The following BICDL2 variants were observed in gnomAD, a reference collection of about 807,000 sequenced individuals.
BICDL2 encodes BICD family-like cargo adapter 2.
Under a neutral mutation model 56.6 loss-of-function variants are expected in BICDL2, and 62 were observed. The ratio of observed to expected loss-of-function variants is 1.10; its 90% CI spans 0.89 to 1.35. BICDL2 has a LOEUF of 1.35. BICDL2 is among the 40% of genes most tolerant of loss of function. The pLI is 0.00. For missense variants in BICDL2, 808 were observed against 684.5 expected, an observed-to-expected ratio of 1.18 and a Z score of -2.01; for synonymous variants, 358 against 319.8, an observed-to-expected ratio of 1.12 and a Z score of -1.27.
chr16:3,028,144 C>T lies in BICDL2; in HGVS notation c.1489G>A (p.Ala497Thr), dbSNP rs920658014. Residue 497 changes from alanine (A) to threonine (T), a missense_variant, in exon 10 of 10, where the codon GCC becomes ACC. Physicochemically the swap from Ala to Thr is moderately conservative, Grantham distance 58. Transcript: ENST00000572449. ...AAGAGGTTACTGAGAAAGCCACCGG[C>T]GGGCCCGGGGCCCAGGCGCAGCGAG... is the stretch of plus-strand genomic sequence containing the variant. ...RFSLRLGPGPAGGFLSNLFRR... is the reference protein window; with the variant it reads ...RFSLRLGPGPTGGFLSNLFRR... 10 of 1,441,696 alleles carry T rather than the reference C, an allele frequency of 6.9e-6. No homozygotes were observed. The highest frequency in any genetic ancestry group is 1.5e-5 in the South Asian group (1 of 66,656). 89.3% of individuals were successfully genotyped at this position (1,441,696 alleles called of 1,614,324 possible).
intron 1 of BICDL2, chr16:3,036,233 C>T (rs773469259): frequency 4.0e-4 from 183 of 454,298 alleles, no homozygotes; most frequent in Non-Finnish European, 6.8e-4. Context: ...CCCCCAGTTT[C>T]CCAGGGCCCT....
chr16:3,036,714 GC>G (rs1362984044), intron 1 of BICDL2, 179 bp downstream of exon 1: 1 of 441,666 alleles, frequency 2.3e-6, no homozygotes, highest in Non-Finnish European at 4.5e-6. Flanking sequence ...GGCGTCGGAA[GC>G]CCAGAGAAGC....
Position 3,029,696 on chromosome 16 carries a change from A to G in BICDL2, c.806T>C (p.Leu269Pro), listed in dbSNP as rs1253869085. The change falls in exon 6 of 10, where the codon CTG becomes CCG. Residue 269 changes from leucine (L) to proline (P), a missense_variant. By Grantham distance (98) the Leu-to-Pro change is moderately conservative (BLOSUM62 -3). Transcript: ENST00000572449. ...GGAGACGCGCCGCTGCAGCCTCCGC[A>G]GCGCACTCAGCGCCTCCCCAGCCTC... ...RSEAGEALSA[L>P]RRLQRRVSEL... 3 of 1,540,652 alleles carry G rather than the reference A, an allele frequency of 1.9e-6. No individual in the cohort carries two copies. The highest frequency in any genetic ancestry group is 1.7e-6 in the Non-Finnish European group (2 of 1,150,062).
At position 3,029,534 on chromosome 16, in the gene BICDL2, C is replaced by A. The variant is rs1359986662; in HGVS notation, c.957+11G>T. 1.3e-6 allele frequency: 2 copies of A among 1,554,020 alleles called. No homozygotes were observed. The highest frequency in any genetic ancestry group is 2.4e-5 in the East Asian group (1 of 42,436). ...GGCACAGGTAAGGGGGCTGGGGCCC[C>A]ACGAGCTCACCGGGGTGTCTCCGGG... is the stretch of plus-strand genomic sequence containing the variant. On this transcript the variant is annotated intron_variant, in intron 6 of 9. Transcript: ENST00000572449.
At chr16:3,035,560 G>C in intron 1 of BICDL2, 34 bp from the exon 2 acceptor site, 1 of 1,524,100 alleles carries the variant, frequency 6.6e-7, no homozygotes, top group South Asian at 1.2e-5. Context: ...CCTGACAGGG[G>C]CTCACCCTCC....
chr16:3,029,771 C>T (rs754857535), intron 5 of BICDL2, 32 bp from the exon 6 acceptor site: 4 of 1,451,502 alleles, frequency 2.8e-6, no homozygotes, highest in Non-Finnish European at 3.6e-6. Flanking sequence ...GAAGCGCGGG[C>T]GGTCAGCGGG....
In BICDL2 at chr16:3,031,002, C is replaced by G; in HGVS notation, c.431G>C (p.Arg144Pro). 6.4e-7 allele frequency: 1 copy of G among 1,553,390 alleles called. No individual in the cohort carries two copies. The highest frequency in any genetic ancestry group is 8.7e-7 in the Non-Finnish European group (1 of 1,155,726). ...CTCGCTGAGGGCCCGTGCCCGTTCTCGCCCACTGTCCTGCTGCTCTGAGCG... is the reference window on the plus strand; with the variant it reads ...CTCGCTGAGGGCCCGTGCCCGTTCTGGCCCACTGTCCTGCTGCTCTGAGCG... Reference protein sequence around the residue: ...EQRSEQQDSGRERARALSELS... With the variant: ...EQRSEQQDSGPERARALSELS... Residue 144 changes from arginine (R) to proline (P), a missense_variant, in exon 3 of 10, where the codon CGA becomes CCA. Coordinates refer to ENST00000572449, the MANE Select transcript of BICDL2 (RefSeq NM_001369667.1).
At chr16:3,031,258 G>C in intron 2 of BICDL2, 108 bp from the exon 3 acceptor site, 1 of 954,482 alleles carries the variant, frequency 1.0e-6, no homozygotes, top group East Asian at 2.6e-5. Flanking sequence ...AAGCCTAAGG[G>C]GGCCTTGTGT....
At chr16:3,036,396 G>A (rs1487170002) in intron 1 of BICDL2, 1 of 453,170 alleles carries the variant, frequency 2.2e-6, no homozygotes, top group Non-Finnish European at 4.4e-6. Context: ...TCAGGGGCTC[G>A]GGTCAGAGGG....
chr16:3,029,013 G>T (rs1232826222), intron 7 of BICDL2, among the ~76,000 whole-genome samples, 183 bp from the exon 8 acceptor site: 1 of 152,202 alleles, frequency 6.6e-6, no homozygotes, highest in African/African-American at 2.4e-5. Context: ...GGTGCGGGGT[G>T]GGGTGGAGCA....
rs1410707164 is a variant in BICDL2 at position 3,028,280 on chromosome 16, G to A, written c.1360-7C>T. The A allele has an allele frequency of 2.7e-6, 4 of 1,492,872 alleles. No homozygotes were observed. The highest frequency in any genetic ancestry group is 1.3e-5 in the South Asian group (1 of 75,580). The allele number at this position is 1,492,872 out of a possible 1,614,324, so 92.5% of individuals were successfully genotyped here. A position where few individuals can be genotyped will look rare whatever the true frequency, so the allele number is the denominator to read the frequency against. Reference sequence around the variant, plus strand: ...TCACCACCTGCATGTCGTCCTGCGGGAGGCCGTGGTCGGCTCAGCGCCGGT... The same window carrying A: ...TCACCACCTGCATGTCGTCCTGCGGAAGGCCGTGGTCGGCTCAGCGCCGGT... On this transcript the variant is annotated splice_region_variant and splice_polypyrimidine_tract_variant and intron_variant, in intron 9 of 9. Transcript: ENST00000572449.
intron 7 of BICDL2, 119 bp downstream of exon 7, chr16:3,029,161 G>T: frequency 7.6e-7 from 1 of 1,312,730 alleles, no homozygotes; most frequent in South Asian, 1.3e-5. Context: ...TAAGTTTGTT[G>T]AGATGAAAGC....
chr16:3,031,262 C>T (rs1455224000), intron 2 of BICDL2, 112 bp from the exon 3 acceptor site: 1 of 910,122 alleles, frequency 1.1e-6, no homozygotes, highest in East Asian at 2.7e-5. Context: ...CTAAGGGGGC[C>T]TTGTGTCCAA....
chr16:3,035,773 A>T (rs1955726400), intron 1 of BICDL2: 1 of 503,158 alleles, frequency 2.0e-6, no homozygotes, highest in Admixed American at 3.5e-5. Flanking sequence ...CTCTGTCCCC[A>T]GGAAAGCTCA....
At chr16:3,030,253 C>G in intron 5 of BICDL2, 196 bp downstream of exon 5, 1 of 671,264 alleles carries the variant, frequency 1.5e-6, no homozygotes, top group Non-Finnish European at 2.4e-6. Flanking sequence ...CTGCCAGGCT[C>G]TGATGCACTC....
In BICDL2 at chr16:3,030,950, G is replaced by C. The variant is rs2151142016; in HGVS notation, c.483C>G (p.Ser161Arg). 2.6e-6 allele frequency: 4 copies of C among 1,548,916 alleles called. No homozygotes were observed. The highest frequency in any genetic ancestry group is 3.5e-6 in the Non-Finnish European group (4 of 1,152,924). ...GCCATCCCACCTGAGCCAGCTGCTG[G>C]CTGAGCCGGAGGTTCTGCTCGCTGA... ...SELSEQNLRL[S>R]QQLAQASQTE... Residue 161 changes from serine to arginine, a missense_variant, in exon 3 of 10, where the codon AGC (serine) becomes AGG (arginine). Physicochemically the swap from Ser to Arg is moderately radical, Grantham distance 110. Transcript: ENST00000572449.
intron 1 of BICDL2, chr16:3,035,858 T>C (rs1955727433): frequency 3.1e-6 from 1 of 325,680 alleles, no homozygotes; most frequent in South Asian, 3.4e-5. Context: ...GTTTGGCTTG[T>C]AGCCCCTCGC....
intron 7 of BICDL2, among the ~76,000 whole-genome samples, 172 bp downstream of exon 7, chr16:3,029,108 G>A (rs1033968834): frequency 6.6e-6 from 1 of 152,188 alleles, no homozygotes; most frequent in Non-Finnish European, 1.5e-5. Flanking sequence ...TGCTGTCCAG[G>A]AAGTCTTCCT....
rs535794755 is a variant in BICDL2 at position 3,036,626 on chromosome 16, G to T, written c.-31+268C>A. 21 of 421,716 alleles carry T rather than the reference G, an allele frequency of 5.0e-5. No individual in the cohort carries two copies. The East Asian group carries it at 1.6e-3, about 31-fold the overall frequency. 26.1% of individuals were successfully genotyped at this position (421,716 alleles called of 1,614,324 possible). A position where few individuals can be genotyped will look rare whatever the true frequency, so the allele number is the denominator to read the frequency against. ...GCCCCGCTCCCCCGCCCCCCTCCAC[G>T]CGAGAGACAGGGACCTGGAGACCGC... On this transcript the variant is annotated intron_variant, in intron 1 of 9. Coordinates refer to ENST00000572449, the MANE Select transcript of BICDL2 (RefSeq NM_001369667.1).
Sources: gnomAD v4.1 joint callset for allele counts (sites outside exome capture counted in the v4.1 genomes callset) on GRCh38, gnomAD v4.1.1 for gene constraint, MANE v1.5 for transcripts, NCBI Gene and HGNC (gene_info 2026-07-23, HGNC 2026-07-21) for gene names.